Variants in ITGA6 observed in about 807,000 individuals in gnomAD.
The protein encoded by ITGA6 is integrin subunit alpha 6.
A neutral mutation model predicts 133.6 loss-of-function variants in ITGA6; 63 were observed. That is an observed-to-expected ratio of 0.47 (90% CI 0.38 to 0.58). The LOEUF (loss-of-function observed/expected upper bound fraction) is 0.58, where lower values mean the gene tolerates loss of function less well. Ranked by LOEUF, ITGA6 falls within the 20% of genes least tolerant of loss-of-function variation. The probability of loss-of-function intolerance (pLI) is 0.00; values close to 1 mark genes in which losing one functional copy is unlikely to be tolerated. For synonymous variants in ITGA6, 434 were observed against 482.0 expected, an observed-to-expected ratio of 0.90 and a Z score of 1.30; for missense variants, 1,068 against 1,309.4, an observed-to-expected ratio of 0.82 and a Z score of 2.85.
At chr2:172,484,620 T>G (rs1686586561) in intron 11 of ITGA6, among the ~76,000 whole-genome samples, 162 bp from the exon 12 acceptor site, 2 of 152,232 alleles carry the variant, frequency 1.3e-5, no homozygotes, top group Non-Finnish European at 2.9e-5. Flanking sequence ...ACAGCTTGAT[T>G]TGAACCATCA....
At chr2:172,458,846 G>GT (rs1202988088) in intron 1 of ITGA6, among the ~76,000 whole-genome samples, 1 of 152,172 alleles carries the variant, frequency 6.6e-6, no homozygotes. Flanking sequence ...TTGGGAACAT[G>GT]TTAAACCCAC....
Position 172,487,289 on chromosome 2 carries a change from C to T in ITGA6, c.1996C>T (p.Leu666=), listed in dbSNP as rs201384421. 46 of 1,613,922 alleles carry T rather than the reference C, an allele frequency of 2.9e-5. No individual in the cohort carries two copies. The East Asian group carries it at 9.8e-4, about 34-fold the overall frequency. The change falls in exon 15 of 26, where the codon CTA becomes TTA. Residue 666 remains leucine (L), a synonymous_variant. Transcript: ENST00000684293. Reference sequence around the variant, plus strand: ...TCAAAAAGGTGTACCAGAACTAGTTCTAAAAGATCAGAAGGATATTGCTTT... The same window carrying T: ...TCAAAAAGGTGTACCAGAACTAGTTTTAAAAGATCAGAAGGATATTGCTTT... ...PIQKGVPELV[L]KDQKDIALEI... is the part of the protein sequence containing the mutation.
At chr2:172,485,394 T>G in intron 13 of ITGA6, 130 bp downstream of exon 13, 1 of 857,884 alleles carries the variant, frequency 1.2e-6, no homozygotes, top group Non-Finnish European at 2.0e-6. Flanking sequence ...ATGTTTTTAA[T>G]GTACGCAAAG....
At chr2:172,442,432 A>G (rs1167208411) in intron 1 of ITGA6, among the ~76,000 whole-genome samples, 1 of 152,194 alleles carries the variant, frequency 6.6e-6, no homozygotes, top group Non-Finnish European at 1.5e-5. Flanking sequence ...TGAAAGGAGG[A>G]TAGACGAAGG....
chr2:172,436,640 T>G (rs1684332328), intron 1 of ITGA6, among the ~76,000 whole-genome samples: 1 of 152,246 alleles, frequency 6.6e-6, no homozygotes, highest in South Asian at 2.1e-4. Context: ...ATAGGGATTT[T>G]TGTCTGTATT....
chr2:172,431,941 A>G (rs1243416107), intron 1 of ITGA6, among the ~76,000 whole-genome samples: 1 of 152,228 alleles, frequency 6.6e-6, no homozygotes, highest in Admixed American at 6.5e-5. Context: ...AGAAGTGGTT[A>G]TTCTGTGTTC....
At chr2:172,467,697 A>G in intron 3 of ITGA6, 137 bp downstream of exon 3, 1 of 719,602 alleles carries the variant, frequency 1.4e-6, no homozygotes, top group Non-Finnish European at 2.5e-6. Flanking sequence ...GATGTCAAAA[A>G]GAAATCAGAC....
chr2:172,453,277 A>G (rs1685081551), intron 1 of ITGA6, among the ~76,000 whole-genome samples: 1 of 151,914 alleles, frequency 6.6e-6, no homozygotes, highest in African/African-American at 2.4e-5. Context: ...CTGTAATCCC[A>G]GCACTTCCGG....
Position 172,506,338 on chromosome 2 carries a change from A to C in ITGA6, c.*2270A>C, listed in dbSNP as rs982193537. The C allele has an allele frequency of 2.0e-5, 3 of 152,340 alleles. No homozygotes were observed. The highest frequency in any genetic ancestry group is 2.9e-5 in the Non-Finnish European group (2 of 68,036). The allele number at this position is 152,340 out of a possible 1,614,324, so 9.4% of individuals were successfully genotyped here. On this transcript the variant is annotated 3_prime_UTR_variant, in exon 26 of 26. Coordinates refer to ENST00000684293, the MANE Select transcript of ITGA6 (RefSeq NM_000210.4). ...TAATCTCAGATCAGCCAAAGATACT[A>C]GTGCCAAAGCAATGGGATTCGGGGT... is the stretch of plus-strand genomic sequence containing the variant.
At chr2:172,435,616 C>CTTTTTTTT (rs58005683) in intron 1 of ITGA6, among the ~76,000 whole-genome samples, 54 of 82,250 alleles carry the variant, frequency 6.6e-4, no homozygotes, top group African/African-American at 2.0e-3. Flanking sequence ...AGTTTTGTTT[C>CTTTTTTTT]TTTTTTTTTT....
At position 172,475,093 on chromosome 2, in the gene ITGA6, T is replaced by C. The variant is rs756015186; in HGVS notation, c.1151T>C (p.Ile384Thr). ...DSMFGIAVKN[I>T]GDINQDGYPD... ...ATGTTTGGCATTGCAGTAAAAAATA[T>C]TGGAGATATTAATCAAGATGGCTAC... The change falls in exon 7 of 26, where the codon ATT (isoleucine) becomes ACT (threonine). Residue 384 changes from isoleucine to threonine, a missense_variant. Around this residue, in one of 3 missense-constraint regions of ITGA6, gnomAD observed 317 missense variants for 456.9 expected, o/e 0.69. Transcript: ENST00000684293. 4.4e-6 allele frequency: 7 copies of C among 1,596,814 alleles called. No homozygotes were observed. Among genetic ancestry groups the C allele is most frequent in the South Asian group, 3.3e-5 (3 of 90,750 alleles).
At chr2:172,436,750 G>A (rs1684338052) in intron 1 of ITGA6, among the ~76,000 whole-genome samples, 1 of 152,162 alleles carries the variant, frequency 6.6e-6, no homozygotes, top group African/African-American at 2.4e-5. Context: ...TATTCACTGA[G>A]TATTTACTAT....
At chr2:172,497,457 C>T in intron 23 of ITGA6, among the ~76,000 whole-genome samples, 1 of 147,304 alleles carries the variant, frequency 6.8e-6, no homozygotes, top group South Asian at 2.2e-4. Context: ...CCCATGGTCA[C>T]ACCACTTGCA....
chr2:172,480,138 G>GACCCATGT lies in ITGA6; in HGVS notation c.1549+87_1549+88insACCCATGT, dbSNP rs1686370245. ...TAAATCACAGAAAAATAAAACTGCA[G>GACCCATGT]TGGCCAACATGGGTCTGTCAATTCT... On this transcript the variant is annotated intron_variant, in intron 11 of 25. Transcript: ENST00000684293. 3 of 789,026 alleles carry GACCCATGT rather than the reference G, an allele frequency of 3.8e-6. No individual in the cohort carries two copies. The South Asian group carries it at 4.2e-5, about 11-fold the overall frequency. 48.9% of individuals were successfully genotyped at this position (789,026 alleles called of 1,614,324 possible). A position where few individuals can be genotyped will look rare whatever the true frequency, so the allele number is the denominator to read the frequency against.
chr2:172,485,292 A>G (rs776972548), intron 13 of ITGA6, 28 bp downstream of exon 13: 5 of 1,611,224 alleles, frequency 3.1e-6, no homozygotes, highest in African/African-American at 1.3e-5. Context: ...TCATTTTGCC[A>G]AAGTTTTTTT....
Position 172,497,992 on chromosome 2 carries a change from T to C in ITGA6, c.3006T>C (p.Phe1002=), listed in dbSNP as rs139596061. 2.3e-3 allele frequency: 3,669 copies of C among 1,614,010 alleles called. 5 individuals are homozygous for C. The highest frequency in any genetic ancestry group is 2.9e-3 in the Non-Finnish European group (3,389 of 1,179,908). Reference sequence around the variant, plus strand: ...CCCTGTAGGTTCGAGTGACTGTGTTTCCCTCAAAGACTGTAGCTCAGTATT... The same window carrying C: ...CCCTGTAGGTTCGAGTGACTGTGTTCCCCTCAAAGACTGTAGCTCAGTATT... ...NAGTQVRVTV[F]PSKTVAQYSG... The change falls in exon 24 of 26, where the codon TTT becomes TTC. Residue 1002 remains phenylalanine (F), a synonymous_variant. Coordinates refer to ENST00000684293, the MANE Select transcript of ITGA6 (RefSeq NM_000210.4).
At position 172,487,355 on chromosome 2, in the gene ITGA6, C is replaced by A. The variant is rs778638154; in HGVS notation, c.2062C>A (p.Pro688Thr). 6.8e-6 allele frequency: 11 copies of A among 1,613,884 alleles called. No homozygotes were observed. The highest frequency in any genetic ancestry group is 5.0e-5 in the Admixed American group (3 of 60,010). ...VTNSPSNPRN[P>T]TKDGDDAHEA... ...AAACAGCCCTTCCAACCCAAGGAATCCCACAAAAGATGGCGATGACGCCCA... is the reference window on the plus strand; with the variant it reads ...AAACAGCCCTTCCAACCCAAGGAATACCACAAAAGATGGCGATGACGCCCA... The change falls in exon 15 of 26, where the codon CCC (proline) becomes ACC (threonine). Residue 688 changes from proline (P) to threonine (T), a missense_variant. Transcript: ENST00000684293.
chr2:172,490,712 G>T (rs950971622), intron 20 of ITGA6: 2 of 341,082 alleles, frequency 5.9e-6, no homozygotes, highest in Admixed American at 9.0e-5. Flanking sequence ...AATAAGATTT[G>T]ATCTCTGATC....
chr2:172,473,746 C>T (rs543113212), intron 5 of ITGA6, among the ~76,000 whole-genome samples: 1 of 152,196 alleles, frequency 6.6e-6, no homozygotes, highest in East Asian at 1.9e-4. Flanking sequence ...TACCATAGTT[C>T]CAATATTAAA....
Sources: allele counts gnomAD v4.1 joint callset (sites outside exome capture counted in the v4.1 genomes callset), GRCh38; gene constraint gnomAD v4.1.1; regional missense constraint gnomAD v4.1.1; transcripts MANE v1.5; gene names NCBI Gene and HGNC (gene_info 2026-07-23, HGNC 2026-07-21).